The following RASSF8 variants were observed in gnomAD, a reference collection of about 807,000 sequenced individuals.
RASSF8 encodes Ras association domain family member 8, also known as ras association domain-containing protein 8.
RASSF8 carries 22 observed loss-of-function variants against 48.5 expected under a neutral mutation model. The ratio of observed to expected loss-of-function variants is 0.45; its 90% CI spans 0.32 to 0.65. RASSF8 has a LOEUF of 0.65. RASSF8 is among the 30% of genes least tolerant of loss of function. The pLI, the probability that RASSF8 is intolerant of heterozygous loss-of-function variation, is 0.03. For missense variants in RASSF8, 418 were observed against 489.2 expected, an observed-to-expected ratio of 0.85 and a Z score of 1.37; for synonymous variants, 127 against 171.5, an observed-to-expected ratio of 0.74 and a Z score of 2.03.
chr12:26,068,424 A>G lies in RASSF8; in HGVS notation c.1139-273A>G, dbSNP rs1025581405. On this transcript the variant is annotated intron_variant, in intron 5 of 5. Transcript: ENST00000689635. ...GCTGATATTTAAAAGACAATTCCAA[A>G]TCTGTGTATGCATATGGTGTGAACA... is the stretch of plus-strand genomic sequence containing the variant. Among the ~76,000 whole-genome samples, 3 of 152,242 alleles carry G rather than the reference A, an allele frequency of 2.0e-5. No individual in the cohort carries two copies. The East Asian group carries it at 5.8e-4, about 29-fold the overall frequency.
At chr12:26,053,142 TA>T (rs1479236227) in intron 2 of RASSF8, 10 of 151,778 alleles carry the variant, frequency 6.6e-5, no homozygotes, top group Non-Finnish European at 1.5e-4. Flanking sequence ...ATCATGTACT[TA>T]AAAATGTGTT....
Position 26,071,187 on chromosome 12 carries a change from GA to G in RASSF8, c.*2376del, listed in dbSNP as rs953815219. ...AGGAATATTTTCTAAGACTCAGAGGGAAAAAAACTCGTTTTCATAGGATCAT... is the reference window on the plus strand; with the variant it reads ...AGGAATATTTTCTAAGACTCAGAGGGAAAAAACTCGTTTTCATAGGATCAT... On this transcript the variant is annotated 3_prime_UTR_variant, in exon 6 of 6. Coordinates refer to ENST00000689635, the MANE Select transcript of RASSF8 (RefSeq NM_001394098.1). 3 of 978,794 alleles carry G rather than the reference GA, an allele frequency of 3.1e-6. No homozygotes were observed. Among genetic ancestry groups the G allele is most frequent in the Non-Finnish European group, 2.4e-6 (2 of 824,148 alleles). 60.6% of individuals were successfully genotyped at this position (978,794 alleles called of 1,614,324 possible).
intron 2 of RASSF8, among the ~76,000 whole-genome samples, chr12:25,997,055 C>T (rs1942150844): frequency 6.6e-6 from 1 of 152,052 alleles, no homozygotes; most frequent in Non-Finnish European, 1.5e-5. Context: ...TGCAGTTTCT[C>T]TTGAGCCATT....
At chr12:26,057,888 G>A (rs1030753523) in intron 3 of RASSF8, among the ~76,000 whole-genome samples, 1 of 152,182 alleles carries the variant, frequency 6.6e-6, no homozygotes, top group Non-Finnish European at 1.5e-5. Context: ...GTGATGGTGA[G>A]CATTTTTTCA....
At chr12:25,960,229 A>G (rs1941198490) in intron 1 of RASSF8, among the ~76,000 whole-genome samples, 1 of 152,112 alleles carries the variant, frequency 6.6e-6, no homozygotes. Flanking sequence ...GGCCCCAGGT[A>G]GTTTTTATTT....
chr12:25,960,220 G>A (rs1941198216), intron 1 of RASSF8, among the ~76,000 whole-genome samples: 1 of 152,132 alleles, frequency 6.6e-6, no homozygotes, highest in African/African-American at 2.4e-5. Context: ...CTGGTAGGGG[G>A]CCCCAGGTAG....
rs544375520 is a variant in RASSF8, at chr12:26,043,776, G to A, written c.-108-11460G>A. ...ATGGACGATTGCTATGCACGGCAAC[G>A]CAGATGAAACTCAGCAAACATAATG... On this transcript the variant is annotated intron_variant, in intron 2 of 5. Coordinates refer to ENST00000689635, the MANE Select transcript of RASSF8 (RefSeq NM_001394098.1). Among the ~76,000 whole-genome samples the A allele has an allele frequency of 6.6e-5, 10 of 152,264 alleles. No individual in the cohort carries two copies. In the East Asian group the frequency reaches 1.7e-3, roughly 26 times the overall value.
At chr12:25,996,841 G>A (rs541843679) in intron 2 of RASSF8, among the ~76,000 whole-genome samples, 1 of 152,274 alleles carries the variant, frequency 6.6e-6, no homozygotes, top group Non-Finnish European at 1.5e-5. Flanking sequence ...TGGTTTACAG[G>A]AGAGGGACTT....
intron 3 of RASSF8, among the ~76,000 whole-genome samples, chr12:26,063,147 A>C (rs563820175): frequency 6.6e-6 from 1 of 152,216 alleles, no homozygotes; most frequent in Admixed American, 6.5e-5. Flanking sequence ...CAGGAAGGTA[A>C]ATCAATCAAT....
At chr12:26,068,634 T>G in intron 5 of RASSF8, 63 bp from the exon 6 acceptor site, 1 of 1,309,286 alleles carries the variant, frequency 7.6e-7, no homozygotes, top group South Asian at 1.3e-5. Flanking sequence ...GTCTGATTTT[T>G]TATATTGCTA....
intron 5 of RASSF8, among the ~76,000 whole-genome samples, chr12:26,068,364 C>T (rs1943926411): frequency 6.6e-6 from 1 of 151,976 alleles, no homozygotes; most frequent in Non-Finnish European, 1.5e-5. Flanking sequence ...CCCCCCTTTT[C>T]CTTCTTTTTC....
At chr12:26,049,190 T>C (rs1943438256) in intron 2 of RASSF8, among the ~76,000 whole-genome samples, 1 of 152,188 alleles carries the variant, frequency 6.6e-6, no homozygotes, top group African/African-American at 2.4e-5. Context: ...TGTGTTTCCA[T>C]GGGGTATTAG....
chr12:26,069,501 A>G lies in RASSF8; in HGVS notation c.*683A>G. On this transcript the variant is annotated 3_prime_UTR_variant, in exon 6 of 6. Coordinates refer to ENST00000689635, the MANE Select transcript of RASSF8 (RefSeq NM_001394098.1). Reference sequence around the variant, plus strand: ...CGTGTGGCCACAGAGCATAACAGATATTTTTCATAAGCTAAATTGTATGTA... The same window carrying G: ...CGTGTGGCCACAGAGCATAACAGATGTTTTTCATAAGCTAAATTGTATGTA... 1 of 985,364 alleles carries G rather than the reference A, an allele frequency of 1.0e-6. No homozygotes were observed. Among genetic ancestry groups the G allele is most frequent in the Non-Finnish European group, 1.2e-6 (1 of 829,898 alleles). The allele number at this position is 985,364 out of a possible 1,614,324, so 61.0% of individuals were successfully genotyped here.
chr12:26,039,524 A>G lies in RASSF8; in HGVS notation c.-108-15712A>G, dbSNP rs145663618. Among the ~76,000 whole-genome samples, 358 of 152,246 alleles carry G rather than the reference A, an allele frequency of 2.4e-3. 2 individuals carry two copies. The highest frequency in any genetic ancestry group is 7.8e-3 in the African/African-American group (325 of 41,532). ...AATGATAGTGTTAAATGCCTTGCCT[A>G]ACTTTGTAAGTTATCTAAGACTTAT... On this transcript the variant is annotated intron_variant, in intron 2 of 5. Coordinates refer to ENST00000689635, the MANE Select transcript of RASSF8 (RefSeq NM_001394098.1).
intron 2 of RASSF8, among the ~76,000 whole-genome samples, chr12:25,996,686 C>T (rs914751536): frequency 5.9e-5 from 9 of 152,144 alleles, no homozygotes; most frequent in East Asian, 1.9e-4. Context: ...TACAAAGAGA[C>T]GCCTTTAGCT....
At chr12:26,047,647 A>G (rs562842310) in intron 2 of RASSF8, among the ~76,000 whole-genome samples, 4 of 152,026 alleles carry the variant, frequency 2.6e-5, no homozygotes, top group African/African-American at 9.7e-5. Flanking sequence ...AAGGCGAGAC[A>G]TATTAATGCT....
chr12:25,996,319 G>A (rs1942132262), intron 2 of RASSF8, among the ~76,000 whole-genome samples: 1 of 152,154 alleles, frequency 6.6e-6, no homozygotes, highest in Admixed American at 6.5e-5. Flanking sequence ...ATTGACTAAA[G>A]TTCTCTCTGA....
chr12:26,041,936 A>G (rs908594528), intron 2 of RASSF8, among the ~76,000 whole-genome samples: 54 of 152,186 alleles, frequency 3.5e-4, no homozygotes, highest in African/African-American at 1.2e-3. Context: ...TACAAATTCA[A>G]AATACCCAAA....
At chr12:26,015,973 G>A (rs557492369) in intron 2 of RASSF8, among the ~76,000 whole-genome samples, 1 of 152,184 alleles carries the variant, frequency 6.6e-6, no homozygotes, top group African/African-American at 2.4e-5. Flanking sequence ...CTTGTGGCCA[G>A]TTGGAGTTTA....
Sources: gnomAD v4.1 joint callset for allele counts (sites outside exome capture counted in the v4.1 genomes callset) on GRCh38, gnomAD v4.1.1 for gene constraint, MANE v1.5 for transcripts, NCBI Gene and HGNC (gene_info 2026-07-23, HGNC 2026-07-21) for gene names.